NAALADL2: variants seen among roughly 807,000 people sequenced by gnomAD.
NAALADL2 encodes inactive N-acetylated-alpha-linked acidic dipeptidase-like protein 2.
In NAALADL2, 76 loss-of-function variants were observed where a neutral mutation model predicts 87.2. That is an observed-to-expected ratio of 0.87 (90% CI 0.72 to 1.05). NAALADL2 has a LOEUF of 1.05. NAALADL2 is among the 50% of genes least tolerant of loss of function. The probability of loss-of-function intolerance (pLI) is 0.00; values close to 1 mark genes in which losing one functional copy is unlikely to be tolerated. For missense variants in NAALADL2, 1,089 were observed against 945.8 expected (o/e 1.15, Z -1.99); for synonymous variants, 354 against 331.0 (o/e 1.07, Z -0.75).
intron 5 of NAALADL2, among the ~76,000 whole-genome samples, chr3:175,435,384 T>A (rs1393339920): frequency 6.6e-6 from 1 of 152,062 alleles, no homozygotes; most frequent in African/African-American, 2.4e-5. Context: ...ATTCTGTAAA[T>A]ATAATCAATT....
chr3:175,124,332 T>C (rs973896835), intron 2 of NAALADL2: 1 of 152,004 alleles, frequency 6.6e-6, no homozygotes, highest in Non-Finnish European at 1.5e-5. Flanking sequence ...TTGGTTCAGT[T>C]GATCATTGAT....
intron 5 of NAALADL2, among the ~76,000 whole-genome samples, chr3:175,398,055 A>G (rs1770043128): frequency 6.6e-6 from 1 of 152,156 alleles, no homozygotes; most frequent in Admixed American, 6.6e-5. Flanking sequence ...CTAATGAACA[A>G]ACAAAACTAT....
intron 3 of NAALADL2, among the ~76,000 whole-genome samples, chr3:174,761,329 C>A (rs1163949971): frequency 6.6e-6 from 1 of 151,530 alleles, no homozygotes; most frequent in African/African-American, 2.4e-5. Context: ...AAAAAACTAA[C>A]AAAAGTTTGA....
intron 3 of NAALADL2, among the ~76,000 whole-genome samples, chr3:174,810,891 A>G (rs529178729): frequency 2.0e-5 from 3 of 152,194 alleles, no homozygotes; most frequent in Non-Finnish European, 4.4e-5. Context: ...ATCATGGACC[A>G]GACCTAGGGC....
chr3:175,419,080 C>T (rs886693052), intron 5 of NAALADL2, among the ~76,000 whole-genome samples: 1 of 151,496 alleles, frequency 6.6e-6, no homozygotes, highest in African/African-American at 2.4e-5. Flanking sequence ...AGCTCACAGA[C>T]CTGTCAAGTG....
rs372831759 is a variant in NAALADL2 at position 174,971,260 on chromosome 3, A to T, written c.43+111810A>T. ...GGGAGACAGCCAAACCATATTGGGC[A>T]TCTCCTGTTTTCCAAGAGATCACAG... is the stretch of plus-strand genomic sequence containing the variant. On this transcript the variant is annotated intron_variant, in intron 1 of 13. Transcript: ENST00000454872. Among the ~76,000 whole-genome samples the T allele has an allele frequency of 2.6e-5, 4 of 152,346 alleles. 1 individual carries two copies. In the East Asian group the frequency reaches 7.7e-4, roughly 29 times the overall value.
At chr3:175,571,162 G>A (rs1718025875) in intron 9 of NAALADL2, among the ~76,000 whole-genome samples, 1 of 152,078 alleles carries the variant, frequency 6.6e-6, no homozygotes, top group South Asian at 2.1e-4. Flanking sequence ...TATCTTACAT[G>A]ATCATTTACT....
chr3:175,344,514 T>A (rs577304563), intron 5 of NAALADL2, among the ~76,000 whole-genome samples: 1 of 152,032 alleles, frequency 6.6e-6, no homozygotes, highest in Admixed American at 6.6e-5. Context: ...TTGCCTTTTA[T>A]GGGTTAATTG....
chr3:175,434,779 A>G (rs561255003), intron 5 of NAALADL2, among the ~76,000 whole-genome samples: 1 of 152,130 alleles, frequency 6.6e-6, no homozygotes, highest in Admixed American at 6.6e-5. Flanking sequence ...TTCTCAGGGG[A>G]ATGCCTCTGA....
chr3:175,616,756 C>G (rs549272443), intron 10 of NAALADL2, among the ~76,000 whole-genome samples: 2 of 152,090 alleles, frequency 1.3e-5, no homozygotes, highest in African/African-American at 4.8e-5. Flanking sequence ...TTTCTGTACC[C>G]CCAATATTGG....
chr3:175,147,266 G>A (rs935217148), intron 2 of NAALADL2, among the ~76,000 whole-genome samples: 9 of 151,972 alleles, frequency 5.9e-5, no homozygotes, highest in Admixed American at 3.3e-4. Context: ...GCACTCCCCA[G>A]TGTCTATTGT....
chr3:175,520,519 C>T (rs1732499533), intron 9 of NAALADL2, among the ~76,000 whole-genome samples: 1 of 151,840 alleles, frequency 6.6e-6, no homozygotes, highest in South Asian at 2.1e-4. Flanking sequence ...AGGATGGTCT[C>T]GATCTCCTGA....
chr3:175,031,913 CT>C (rs1315186808), intron 1 of NAALADL2, among the ~76,000 whole-genome samples: 19 of 152,112 alleles, frequency 1.2e-4, no homozygotes, highest in African/African-American at 4.6e-4. Flanking sequence ...TCTATGTCTT[CT>C]TTTGAGAAGT....
chr3:175,170,398 G>A (rs183562405), intron 2 of NAALADL2, among the ~76,000 whole-genome samples: 2 of 147,636 alleles, frequency 1.4e-5, no homozygotes, highest in Admixed American at 1.4e-4. Flanking sequence ...CAAAAATGGA[G>A]CAATAGGGTA....
At chr3:175,364,019 A>C (rs529651722) in intron 5 of NAALADL2, among the ~76,000 whole-genome samples, 13 of 148,222 alleles carry the variant, frequency 8.8e-5, no homozygotes, top group African/African-American at 3.2e-4. Context: ...GATTTGAAGC[A>C]GTTATAGTTG....
chr3:174,492,733 C>A (rs901291796), intron 1 of NAALADL2, among the ~76,000 whole-genome samples: 1 of 152,174 alleles, frequency 6.6e-6, no homozygotes, highest in Non-Finnish European at 1.5e-5. Context: ...TTCTAGATCA[C>A]TTCCAACAGT....
At chr3:175,006,044 A>G (rs1195970525) in intron 1 of NAALADL2, among the ~76,000 whole-genome samples, 1 of 152,314 alleles carries the variant, frequency 6.6e-6, no homozygotes, top group South Asian at 2.1e-4. Context: ...TTGAACTGAA[A>G]TGAAATCTGT....
chr3:174,789,552 CT>C (rs1309379021), intron 3 of NAALADL2, among the ~76,000 whole-genome samples: 3 of 152,066 alleles, frequency 2.0e-5, no homozygotes, highest in Non-Finnish European at 4.4e-5. Flanking sequence ...TTAATGGTGC[CT>C]TCTAGAAATG....
chr3:174,764,664 CT>C lies in NAALADL2; in HGVS notation c.-9+26919del, dbSNP rs1713537171. On this transcript the variant is annotated intron_variant, in intron 3 of 3. Transcript: ENST00000434257. ...AAAAGCAAACAAAACAAATATCACA[CT>C]GCTATTTGAAGATCAAGATTGAAAG... Among the ~76,000 whole-genome samples, 3 of 152,204 alleles carry C rather than the reference CT, an allele frequency of 2.0e-5. No individual in the cohort carries two copies. In the East Asian group the frequency reaches 5.8e-4, roughly 29 times the overall value.
Sources: gnomAD v4.1 joint callset for allele counts (sites outside exome capture counted in the v4.1 genomes callset) on GRCh38, gnomAD v4.1.1 for gene constraint, MANE v1.5 for transcripts, NCBI Gene and HGNC (gene_info 2026-07-23, HGNC 2026-07-21) for gene names.